The following MTIF2 variants were observed in gnomAD, a reference collection of about 807,000 sequenced individuals.
MTIF2 encodes mitochondrial translational initiation factor 2.
Under a neutral mutation model 83.5 loss-of-function variants are expected in MTIF2, and 71 were observed. The ratio of observed to expected loss-of-function variants is 0.85; its 90% CI spans 0.70 to 1.04. The LOEUF is 1.04. Among genes scored for constraint, MTIF2 ranks in the 50% least tolerant of loss-of-function variants. The pLI, the probability that MTIF2 is intolerant of heterozygous loss-of-function variation, is 0.00. For missense variants in MTIF2, 957 were observed against 846.5 expected (o/e 1.13, Z -1.62); for synonymous variants, 319 against 287.1 (o/e 1.11, Z -1.12).
At chr2:55,244,717 C>G (rs967195661) in intron 10 of MTIF2, among the ~76,000 whole-genome samples, 25 of 151,812 alleles carry the variant, frequency 1.6e-4, no homozygotes, top group African/African-American at 5.6e-4. Context: ...GAGTTTGAGA[C>G]CAGCTAGGGC....
chr2:55,237,590 C>CA (rs1485808088), intron 14 of MTIF2, among the ~76,000 whole-genome samples, 162 bp from the exon 15 acceptor site: 5 of 151,362 alleles, frequency 3.3e-5, no homozygotes, highest in Non-Finnish European at 7.4e-5. Flanking sequence ...TTTTCCTGAC[C>CA]AATATTAAGA....
chr2:55,263,564 C>A, intron 4 of MTIF2, 76 bp downstream of exon 4: 1 of 1,144,356 alleles, frequency 8.7e-7, no homozygotes, highest in Non-Finnish European at 1.2e-6. Flanking sequence ...GAGCTGAGAT[C>A]GCGCCACGGC....
At chr2:55,255,697 A>C (rs1388707015) in intron 5 of MTIF2, among the ~76,000 whole-genome samples, 2 of 151,712 alleles carry the variant, frequency 1.3e-5, no homozygotes, top group African/African-American at 4.8e-5. Flanking sequence ...AAAAAGCATA[A>C]AAATGTGAAA....
chr2:55,238,110 C>G (rs976964984), intron 14 of MTIF2, among the ~76,000 whole-genome samples: 1 of 152,094 alleles, frequency 6.6e-6, no homozygotes, highest in African/African-American at 2.4e-5. Flanking sequence ...GTGGCATGAT[C>G]ATAGCTCACT....
rs190130275 is a variant in MTIF2 at position 55,245,524 on chromosome 2, C to G, written c.1106+813G>C. 1.1e-3 allele frequency among the ~76,000 whole-genome samples: 161 copies of G among 152,030 alleles called. 2 individuals are homozygous for G. The Middle Eastern group carries it at 0.017, about 16-fold the overall frequency. ...GGGCAACAAGAGCAAAAGTCCGTCT[C>G]AAAAAGAAAGAAAGAAATAAAGGAA... On this transcript the variant is annotated intron_variant, in intron 10 of 15. Coordinates refer to ENST00000263629, the MANE Select transcript of MTIF2 (RefSeq NM_002453.3).
intron 5 of MTIF2, among the ~76,000 whole-genome samples, chr2:55,256,044 T>C (rs889474430): frequency 1.1e-4 from 16 of 152,030 alleles, no homozygotes; most frequent in Non-Finnish European, 2.4e-4. Context: ...CCCTGGCTAA[T>C]TTTTCTATTT....
At chr2:55,251,720 T>C (rs543978419) in intron 8 of MTIF2, among the ~76,000 whole-genome samples, 1 of 152,232 alleles carries the variant, frequency 6.6e-6, no homozygotes, top group South Asian at 2.1e-4. Context: ...ACCTCCCGGG[T>C]TCAAGTGATT....
Position 55,254,026 on chromosome 2 carries a change from A to T in MTIF2, c.664+15T>A. The T allele has an allele frequency of 6.2e-7, 1 of 1,613,024 alleles. No individual in the cohort carries two copies. The highest frequency in any genetic ancestry group is 8.5e-7 in the Non-Finnish European group (1 of 1,179,336). ...GGGGTTCCCAAGCACATTGTAAGGTAATTTGTGTTCATACCAAGAAAGGCA... is the reference window on the plus strand; with the variant it reads ...GGGGTTCCCAAGCACATTGTAAGGTTATTTGTGTTCATACCAAGAAAGGCA... On this transcript the variant is annotated intron_variant, in intron 7 of 15. Transcript: ENST00000263629.
At chr2:55,266,809 C>A (rs1678469850) in intron 3 of MTIF2, among the ~76,000 whole-genome samples, 1 of 144,172 alleles carries the variant, frequency 6.9e-6, no homozygotes, top group South Asian at 2.2e-4. Context: ...GCTCTGTTGC[C>A]CAGGGTGGAG....
At chr2:55,245,750 T>TA (rs1436222576) in intron 10 of MTIF2, among the ~76,000 whole-genome samples, 16 of 75,510 alleles carry the variant, frequency 2.1e-4, no homozygotes, top group South Asian at 3.8e-4. Flanking sequence ...TTACCATAAT[T>TA]TAAAAAAAAA....
chr2:55,244,108 T>C lies in MTIF2; in HGVS notation c.1232A>G (p.Tyr411Cys). The C allele has an allele frequency of 1.2e-6, 2 of 1,614,160 alleles. No homozygotes were observed. Among genetic ancestry groups the C allele is most frequent in the Admixed American group, 3.3e-5 (2 of 60,014 alleles). ...DENGKTIDEA[Y>C]PSMPVGITGW... ...TGTAATTCCCACTGGCATGCTGGGA[T>C]AGGCCTCATCAATTGTTTTTCCATT... The change falls in exon 11 of 16, where the codon TAT (tyrosine) becomes TGT (cysteine). Residue 411 changes from tyrosine to cysteine, a missense_variant. Physicochemically the swap from Tyr to Cys is radical, Grantham distance 194 (BLOSUM62 -2). This residue lies in a region of MTIF2 where 733 missense variants were observed against 648.7 expected (regional missense o/e 1.13). Coordinates refer to ENST00000263629, the MANE Select transcript of MTIF2 (RefSeq NM_002453.3).
chr2:55,236,705 A>T lies in MTIF2; in HGVS notation c.2127T>A (p.Ile709=). 1 of 1,606,938 alleles carries T rather than the reference A, an allele frequency of 6.2e-7. No homozygotes were observed. The highest frequency in any genetic ancestry group is 8.5e-7 in the Non-Finnish European group (1 of 1,178,150). Reference sequence around the variant, plus strand: ...GAATTTGCTTTTCTTCATAACAAACAATTCTGTCTCCCACTTGAAATTCCA... The same window carrying T: ...GAATTTGCTTTTCTTCATAACAAACTATTCTGTCTCCCACTTGAAATTCCA... ...DNMEFQVGDR[I]VCYEEKQIQA... Residue 709 remains isoleucine, a synonymous_variant, in exon 16 of 16, where the codon ATT becomes ATA. Coordinates refer to ENST00000263629, the MANE Select transcript of MTIF2 (RefSeq NM_002453.3).
At chr2:55,256,117 C>T (rs970888826) in intron 5 of MTIF2, among the ~76,000 whole-genome samples, 3 of 152,198 alleles carry the variant, frequency 2.0e-5, no homozygotes, top group Admixed American at 6.5e-5. Flanking sequence ...TCAGGTGATC[C>T]GCCTGCCTCG....
chr2:55,245,880 T>C (rs1676660364), intron 10 of MTIF2, among the ~76,000 whole-genome samples: 1 of 152,174 alleles, frequency 6.6e-6, no homozygotes, highest in African/African-American at 2.4e-5. Context: ...TGTTAGAGAG[T>C]GTAAAGCAAT....
chr2:55,246,808 C>T (rs1255261682), intron 9 of MTIF2, among the ~76,000 whole-genome samples: 3 of 152,134 alleles, frequency 2.0e-5, no homozygotes, highest in Non-Finnish European at 4.4e-5. Context: ...TTTCTTTCTC[C>T]TCCGTCTGTC....
Position 55,243,561 on chromosome 2 carries a change from T to G in MTIF2, c.1419A>C (p.Ala473=). The G allele has an allele frequency of 5.0e-6, 8 of 1,614,154 alleles. No individual in the cohort carries two copies. The highest frequency in any genetic ancestry group is 6.8e-6 in the Non-Finnish European group (8 of 1,180,014). ...CATACTTCTCACGGGCTTTCTGATG[T>G]GCTTCTTTGTGTTCCTTTCGCTTTT... The part of the protein sequence containing the change: ...IEEKRKEHKE[A]HQKAREKYGH... Residue 473 remains alanine (A), a synonymous_variant, in exon 12 of 16, where the codon GCA becomes GCC. Coordinates refer to ENST00000263629, the MANE Select transcript of MTIF2 (RefSeq NM_002453.3).
intron 9 of MTIF2, among the ~76,000 whole-genome samples, chr2:55,247,993 T>C (rs1168501436): frequency 6.6e-6 from 1 of 152,134 alleles, no homozygotes; most frequent in Non-Finnish European, 1.5e-5. Flanking sequence ...CTGGCTCAAG[T>C]GGTCCTCCAG....
At chr2:55,257,778 G>T (rs1047152951) in intron 5 of MTIF2, among the ~76,000 whole-genome samples, 1 of 152,130 alleles carries the variant, frequency 6.6e-6, no homozygotes, top group African/African-American at 2.4e-5. Context: ...ACTGGGAAGT[G>T]AAGAGTTGGT....
At chr2:55,245,519 C>T (rs185608814) in intron 10 of MTIF2, among the ~76,000 whole-genome samples, 11 of 152,026 alleles carry the variant, frequency 7.2e-5, no homozygotes, top group Admixed American at 2.0e-4. Flanking sequence ...AGCAAAAGTC[C>T]GTCTCAAAAA....
Sources: gnomAD v4.1 joint callset for allele counts (sites outside exome capture counted in the v4.1 genomes callset) on GRCh38, gnomAD v4.1.1 for gene constraint, gnomAD v4.1.1 regional missense constraint, MANE v1.5 for transcripts, NCBI Gene and HGNC (gene_info 2026-07-23, HGNC 2026-07-21) for gene names.